Variants in NFASC observed in about 807,000 individuals in gnomAD.
NFASC encodes the protein neurofascin.
A neutral mutation model predicts 147.5 loss-of-function variants in NFASC; 43 were observed. That is an observed-to-expected ratio of 0.29 (90% confidence interval 0.23 to 0.38). NFASC has a LOEUF of 0.38. NFASC is among the 10% of genes least tolerant of loss of function. The pLI is 1.00. For missense variants in NFASC, 1,320 were observed against 1,689.0 expected (o/e 0.78, Z 3.83); for synonymous variants, 622 against 665.5 (o/e 0.93, Z 1.01).
chr1:204,987,068 G>A lies in NFASC; in HGVS notation c.2471-350G>A. 3.3e-6 allele frequency: 1 copy of A among 298,792 alleles called. No homozygotes were observed. The highest frequency in any genetic ancestry group is 4.6e-5 in the South Asian group (1 of 21,814). 18.5% of individuals were successfully genotyped at this position (298,792 alleles called of 1,614,324 possible). A position where few individuals can be genotyped will look rare whatever the true frequency, so the allele number is the denominator to read the frequency against. On this transcript the variant is annotated intron_variant, in intron 21 of 29. Coordinates refer to ENST00000339876, the MANE Select transcript of NFASC (RefSeq NM_001005388.3). This position sits in a 1 kb window ranked among gnomAD's most constrained non-coding sequence, Gnocchi z 4.4. ...CCTCTGTACAAAACAGCTGTAAGTGGTTCTCTACCTAGGAATGGCTCTGCC... is the reference window on the plus strand; with the variant it reads ...CCTCTGTACAAAACAGCTGTAAGTGATTCTCTACCTAGGAATGGCTCTGCC...
At chr1:205,009,928 G>A in intron 28 of NFASC, 1 of 551,208 alleles carries the variant, frequency 1.8e-6, no homozygotes, top group Non-Finnish European at 3.2e-6. Flanking sequence ...GGGGATGGAA[G>A]GAACCCTGGC....
intron 7 of NFASC, 49 bp from the exon 8 acceptor site, chr1:204,957,607 A>T (rs1369143838): frequency 1.9e-6 from 3 of 1,580,582 alleles, no homozygotes; most frequent in Non-Finnish European, 1.7e-6. Context: ...GGTGGTGATG[A>T]TTACTGTTAT....
In NFASC at chr1:205,000,868, A is replaced by G. The variant is rs1351297077; in HGVS notation, c.3020-302A>G. 6.9e-6 allele frequency: 3 copies of G among 436,980 alleles called. No homozygotes were observed. In the East Asian group the frequency reaches 1.4e-4, roughly 21 times the overall value. 27.1% of individuals were successfully genotyped at this position (436,980 alleles called of 1,614,324 possible). A position where few individuals can be genotyped will look rare whatever the true frequency, so the allele number is the denominator to read the frequency against. On this transcript the variant is annotated intron_variant, in intron 25 of 29. Transcript: ENST00000339876. ...AAAACAAAAAAACTCTTTCATTCCTAACGCTACCTATGTGGACACAGTCAG... is the reference window on the plus strand; with the variant it reads ...AAAACAAAAAAACTCTTTCATTCCTGACGCTACCTATGTGGACACAGTCAG...
chr1:204,980,651 G>C (rs1464861346), intron 20 of NFASC, among the ~76,000 whole-genome samples: 1 of 152,192 alleles, frequency 6.6e-6, no homozygotes, highest in Admixed American at 6.5e-5. Context: ...TAAGATTTCA[G>C]AGAGGAGACA....
At chr1:204,988,533 C>G (rs527635231) in intron 22 of NFASC, 100 bp from the exon 23 acceptor site, 25 of 1,106,612 alleles carry the variant, frequency 2.3e-5, no homozygotes, top group Non-Finnish European at 3.3e-5. Context: ...ATTTCCCTTT[C>G]CAGCAAAGTC....
At chr1:204,988,373 G>A (rs916656340) in intron 22 of NFASC, among the ~76,000 whole-genome samples, 2 of 152,200 alleles carry the variant, frequency 1.3e-5, no homozygotes, top group Non-Finnish European at 2.9e-5. Context: ...GAATCTTTCT[G>A]AATCAGCCAC....
intron 1 of NFASC, among the ~76,000 whole-genome samples, chr1:204,915,230 A>G (rs1296129860): frequency 6.6e-6 from 1 of 152,194 alleles, no homozygotes; most frequent in Non-Finnish European, 1.5e-5. Context: ...GCAGTGAGCC[A>G]AGATAGCACC....
chr1:204,946,628 C>G (rs1053017624), intron 3 of NFASC: 8 of 497,442 alleles, frequency 1.6e-5, no homozygotes, highest in Non-Finnish European at 2.8e-5. Context: ...ACTCTATGGC[C>G]GAGGCCATCT....
At chr1:204,921,323 CAT>C (rs1305005315) in intron 2 of NFASC, among the ~76,000 whole-genome samples, 1 of 152,206 alleles carries the variant, frequency 6.6e-6, no homozygotes, top group Non-Finnish European at 1.5e-5. Context: ...CCGGGGAGGA[CAT>C]GTGACAACTG....
At chr1:204,995,247 C>G (rs947132052) in intron 24 of NFASC, among the ~76,000 whole-genome samples, 6 of 151,916 alleles carry the variant, frequency 3.9e-5, no homozygotes, top group African/African-American at 1.5e-4. Context: ...CTGCAGGGAG[C>G]AGGCCTGGGA....
At chr1:204,859,466 C>T (rs1442002993) in intron 1 of NFASC, among the ~76,000 whole-genome samples, 1 of 152,238 alleles carries the variant, frequency 6.6e-6, no homozygotes, top group Middle Eastern at 3.2e-3. Context: ...GTCTGTGTAC[C>T]TCACTATACT....
intron 29 of NFASC, 55 bp downstream of exon 29, chr1:205,012,921 C>T (rs1449311238): frequency 8.0e-7 from 1 of 1,252,288 alleles, no homozygotes; most frequent in Non-Finnish European, 1.2e-6. Context: ...GTCCCTGAGG[C>T]ACCACCCTCC....
intron 1 of NFASC, among the ~76,000 whole-genome samples, chr1:204,900,686 G>A (rs1454293285): frequency 6.6e-6 from 1 of 152,160 alleles, no homozygotes; most frequent in African/African-American, 2.4e-5. Context: ...AGTGCTGGGG[G>A]AGGTGGTTTG....
chr1:204,929,177 T>C (rs1209911992), intron 2 of NFASC, among the ~76,000 whole-genome samples: 1 of 143,474 alleles, frequency 7.0e-6, no homozygotes. Context: ...CCCTGACCCA[T>C]GTGAACTTAG....
intron 1 of NFASC, among the ~76,000 whole-genome samples, chr1:204,848,073 G>A (rs1353806624): frequency 2.0e-5 from 3 of 152,148 alleles, no homozygotes; most frequent in Non-Finnish European, 4.4e-5. Flanking sequence ...TTCCCAGCAG[G>A]AAACACTGAG....
chr1:204,885,587 T>C (rs931244864), intron 1 of NFASC, among the ~76,000 whole-genome samples: 1 of 152,202 alleles, frequency 6.6e-6, no homozygotes, highest in African/African-American at 2.4e-5. Context: ...AAAGAGTCTT[T>C]TGTTTTATGA....
At chr1:204,873,913 C>T (rs1484631759) in intron 1 of NFASC, among the ~76,000 whole-genome samples, 1 of 152,182 alleles carries the variant, frequency 6.6e-6, no homozygotes, top group African/African-American at 2.4e-5. Flanking sequence ...GCAGCTAACA[C>T]CCTGCAAGTA....
At chr1:204,868,066 C>T (rs1171372060) in intron 1 of NFASC, among the ~76,000 whole-genome samples, 1 of 152,232 alleles carries the variant, frequency 6.6e-6, no homozygotes, top group Non-Finnish European at 1.5e-5. Flanking sequence ...ACAAGTTTCC[C>T]GTTGTAATAG....
intron 28 of NFASC, 78 bp from the exon 29 acceptor site, chr1:205,012,719 G>A: frequency 2.8e-6 from 3 of 1,078,744 alleles, no homozygotes; most frequent in Non-Finnish European, 4.3e-6. Flanking sequence ...TTCTGGCCCT[G>A]CATTCAGTGG....
Sources: gnomAD v4.1 joint callset for allele counts (sites outside exome capture counted in the v4.1 genomes callset) on GRCh38, gnomAD v4.1.1 for gene constraint, Gnocchi (gnomAD v3.1) non-coding constraint, MANE v1.5 for transcripts, NCBI Gene and HGNC (gene_info 2026-07-23, HGNC 2026-07-21) for gene names.